Variants in PCSK2 observed in about 807,000 individuals in gnomAD.
PCSK2 encodes neuroendocrine convertase 2.
A neutral mutation model predicts 69.7 loss-of-function variants in PCSK2; 14 were observed. That is an observed-to-expected ratio of 0.20 (90% CI 0.13 to 0.31). PCSK2 has a LOEUF of 0.31. Ranked by LOEUF, PCSK2 falls within the 10% of genes least tolerant of loss-of-function variation. PCSK2 has a pLI of 1.00. For missense variants in PCSK2, 544 were observed against 842.5 expected (o/e 0.65, Z 4.39); for synonymous variants, 307 against 320.7 (o/e 0.96, Z 0.46).
chr20:17,249,572 C>T (rs1298350360), intron 1 of PCSK2, among the ~76,000 whole-genome samples: 5 of 150,426 alleles, frequency 3.3e-5, no homozygotes, highest in Admixed American at 2.0e-4. Flanking sequence ...CAGCATTATT[C>T]GCAATAGCCA....
At chr20:17,236,780 A>G (rs117641802) in intron 1 of PCSK2, among the ~76,000 whole-genome samples, 109 of 152,290 alleles carry the variant, frequency 7.2e-4, no homozygotes, top group Middle Eastern at 6.8e-3. Flanking sequence ...ATTAAAGGGG[A>G]AAAAATTGGC....
At chr20:17,279,955 C>A (rs1988242537) in intron 2 of PCSK2, among the ~76,000 whole-genome samples, 3 of 148,274 alleles carry the variant, frequency 2.0e-5, no homozygotes, top group South Asian at 2.1e-4. Flanking sequence ...TGCATATATG[C>A]ATTTTTATGC....
intron 1 of PCSK2, among the ~76,000 whole-genome samples, chr20:17,233,624 T>A (rs993886800): frequency 6.6e-6 from 1 of 152,132 alleles, no homozygotes; most frequent in Non-Finnish European, 1.5e-5. Context: ...TGCAGTACAG[T>A]TACCATGAGA....
In PCSK2 at chr20:17,248,175, G is replaced by GGTGTGTGTGT. The variant is rs10640964; in HGVS notation, c.178-12034_178-12025dup. ...AGAACAAAGTGATGATATAAAAAAG[G>GGTGTGTGTGT]GTGTGTGTGTGTGTGTGTGTGTGTG... On this transcript the variant is annotated intron_variant, in intron 1 of 11. Coordinates refer to ENST00000262545, the MANE Select transcript of PCSK2 (RefSeq NM_002594.5). Among the ~76,000 whole-genome samples, 590 of 144,466 alleles carry GGTGTGTGTGT rather than the reference G, an allele frequency of 4.1e-3. 7 individuals are homozygous for GGTGTGTGTGT. The highest frequency in any genetic ancestry group is 0.012 in the African/African-American group (485 of 38,864). The allele number at this position is 144,466 out of a possible 152,430, so 94.8% of individuals were successfully genotyped here. A position where few individuals can be genotyped will look rare whatever the true frequency, so the allele number is the denominator to read the frequency against.
chr20:17,347,552 G>A (rs1485628069), intron 2 of PCSK2, among the ~76,000 whole-genome samples: 1 of 152,060 alleles, frequency 6.6e-6, no homozygotes, highest in Non-Finnish European at 1.5e-5. Context: ...CATTGCAAAG[G>A]CAAAGGCAGA....
At chr20:17,442,402 G>A (rs1034632730) in intron 8 of PCSK2, among the ~76,000 whole-genome samples, 4 of 152,058 alleles carry the variant, frequency 2.6e-5, no homozygotes, top group Non-Finnish European at 2.9e-5. Flanking sequence ...TTCTGTAGCA[G>A]CCCTGGCAAA....
intron 2 of PCSK2, among the ~76,000 whole-genome samples, chr20:17,279,645 G>A (rs1007328939): frequency 1.3e-5 from 2 of 151,972 alleles, no homozygotes; most frequent in African/African-American, 2.4e-5. Context: ...GTCTCTACTG[G>A]GCATAGTGGT....
chr20:17,346,707 G>C (rs1187001222), intron 2 of PCSK2, among the ~76,000 whole-genome samples: 2 of 152,168 alleles, frequency 1.3e-5, no homozygotes, highest in African/African-American at 4.8e-5. Flanking sequence ...GTACACCCCA[G>C]TCTAACCATT....
rs2032592881 is a variant in PCSK2, at chr20:17,441,441, A to C, written c.885+4558A>C. Among the ~76,000 whole-genome samples the C allele has an allele frequency of 2.0e-5, 3 of 152,336 alleles. No homozygotes were observed. The South Asian group carries it at 6.2e-4, about 32-fold the overall frequency. On this transcript the variant is annotated intron_variant, in intron 8 of 11. Coordinates refer to ENST00000262545, the MANE Select transcript of PCSK2 (RefSeq NM_002594.5). ...TTTTTCTGAGCTGTTGAATTCTTTC[A>C]AAGGTCTGAACAGAAATATAAGACT...
At chr20:17,455,839 T>C (rs1279497925) in intron 9 of PCSK2, among the ~76,000 whole-genome samples, 1 of 152,224 alleles carries the variant, frequency 6.6e-6, no homozygotes, top group Non-Finnish European at 1.5e-5. Context: ...ATATCCCCTT[T>C]TACGTGGGCT....
At chr20:17,293,074 C>T (rs1034711517) in intron 2 of PCSK2, among the ~76,000 whole-genome samples, 5 of 152,288 alleles carry the variant, frequency 3.3e-5, no homozygotes, top group Non-Finnish European at 7.3e-5. Context: ...ATCCACCTGC[C>T]TCGGCCTCTC....
At chr20:17,385,681 T>C (rs974088239) in intron 5 of PCSK2, among the ~76,000 whole-genome samples, 15 of 152,256 alleles carry the variant, frequency 9.9e-5, no homozygotes, top group Middle Eastern at 3.4e-3. Context: ...GAGACATGGA[T>C]CCACAAACCA....
At chr20:17,237,495 G>T (rs1176886493) in intron 1 of PCSK2, among the ~76,000 whole-genome samples, 1 of 152,118 alleles carries the variant, frequency 6.6e-6, no homozygotes, top group Non-Finnish European at 1.5e-5. Context: ...GACGGTTAGA[G>T]ATATGGAAAA....
chr20:17,303,442 AATATATATTATATTAAATATAATATATAT>A (rs1989170196), intron 2 of PCSK2, among the ~76,000 whole-genome samples: 2 of 57,944 alleles, frequency 3.5e-5, no homozygotes, highest in South Asian at 3.7e-4. Flanking sequence ...TATATAATAT[AATATATATTATATTAAATATAATATATAT>A]TATATATAAT....
chr20:17,440,502 C>T (rs2032573385), intron 8 of PCSK2, among the ~76,000 whole-genome samples: 1 of 152,186 alleles, frequency 6.6e-6, no homozygotes, highest in Non-Finnish European at 1.5e-5. Flanking sequence ...AGCCACACGC[C>T]ATTTGTCTCT....
chr20:17,424,851 CT>C (rs1403171875), intron 6 of PCSK2, among the ~76,000 whole-genome samples: 1 of 152,022 alleles, frequency 6.6e-6, no homozygotes, highest in African/African-American at 2.4e-5. Context: ...GTGGCGTAAT[CT>C]TGGCACACTG....
chr20:17,268,033 G>GTATATATATATATTATATA (rs1987694626), intron 2 of PCSK2, among the ~76,000 whole-genome samples: 1 of 66,338 alleles, frequency 1.5e-5, no homozygotes, highest in Non-Finnish European at 2.9e-5. Context: ...TATCCAATGT[G>GTATATATATATATTATATA]TATATATATA....
intron 5 of PCSK2, among the ~76,000 whole-genome samples, chr20:17,400,599 C>T (rs2031612222): frequency 6.6e-6 from 1 of 152,130 alleles, no homozygotes; most frequent in Non-Finnish European, 1.5e-5. Flanking sequence ...GTAATTTTTA[C>T]TAATTTTAAT....
At chr20:17,303,542 AATATG>A (rs1382213775) in intron 2 of PCSK2, among the ~76,000 whole-genome samples, 1,292 of 43,634 alleles carry the variant, frequency 0.03, 48 homozygotes, top group African/African-American at 0.08. Context: ...TATTATATAT[AATATG>A]ATATAATATA....
Sources: gnomAD v4.1 joint callset for allele counts (sites outside exome capture counted in the v4.1 genomes callset) on GRCh38, gnomAD v4.1.1 for gene constraint, MANE v1.5 for transcripts, NCBI Gene and HGNC (gene_info 2026-07-23, HGNC 2026-07-21) for gene names.